UNC5C: variants seen among roughly 807,000 people sequenced by gnomAD.
UNC5C encodes the protein netrin receptor UNC5C.
A neutral mutation model predicts 99.8 loss-of-function variants in UNC5C; 47 were observed. The ratio of observed to expected loss-of-function variants is 0.47; its 90% CI spans 0.37 to 0.60. The LOEUF is 0.60. UNC5C is among the 20% of genes least tolerant of loss of function. The probability of loss-of-function intolerance (pLI) is 0.00; values close to 1 mark genes in which losing one functional copy is unlikely to be tolerated. For missense variants in UNC5C, 1,062 were observed against 1,165.9 expected (o/e 0.91, Z 1.30); for synonymous variants, 487 against 452.2 (o/e 1.08, Z -0.98).
chr4:95,276,979 A>G (rs1740884728), intron 4 of UNC5C, among the ~76,000 whole-genome samples: 1 of 152,176 alleles, frequency 6.6e-6, no homozygotes, highest in African/African-American at 2.4e-5. Flanking sequence ...TTTTCAATTA[A>G]TTATTATTAT....
At chr4:95,274,178 G>A (rs972075035) in intron 4 of UNC5C, among the ~76,000 whole-genome samples, 8 of 152,130 alleles carry the variant, frequency 5.3e-5, no homozygotes, top group African/African-American at 1.9e-4. Context: ...TGTGGCATGT[G>A]GGGGCTGCAA....
At chr4:95,541,743 T>C (rs920362549) in intron 1 of UNC5C, among the ~76,000 whole-genome samples, 2 of 152,154 alleles carry the variant, frequency 1.3e-5, no homozygotes, top group African/African-American at 4.8e-5. Context: ...GGACTGTAGA[T>C]GCATTTTAAT....
In UNC5C at chr4:95,220,101, A is replaced by G. The variant is rs766583475; in HGVS notation, c.1184T>C (p.Val395Ala). The G allele has an allele frequency of 2.5e-6, 4 of 1,614,042 alleles. No individual in the cohort carries two copies. The South Asian group carries it at 4.4e-5, about 18-fold the overall frequency. The change falls in exon 8 of 16, where the codon GTA becomes GCA. Residue 395 changes from valine to alanine, a missense_variant. Val to Ala is a moderately conservative substitution (Grantham distance 64, BLOSUM62 0). Around this residue, in one of 3 missense-constraint regions of UNC5C, gnomAD observed 810 missense variants for 854.5 expected, o/e 0.95. Transcript: ENST00000453304. ...CCGATACACAAACAAGGCCACAACT[A>G]CAGAGATCGCCAGGCAAACGATCAC... The part of the protein sequence containing the change: ...IAVIVCLAIS[V>A]VVALFVYRKN...
intron 1 of UNC5C, among the ~76,000 whole-genome samples, chr4:95,520,401 G>A (rs956368485): frequency 6.6e-6 from 1 of 152,056 alleles, no homozygotes; most frequent in Non-Finnish European, 1.5e-5. Context: ...ATTAGTTGGT[G>A]TGACAAGCTC....
chr4:95,518,327 C>T (rs1230821448), intron 1 of UNC5C, among the ~76,000 whole-genome samples: 1 of 152,118 alleles, frequency 6.6e-6, no homozygotes, highest in Non-Finnish European at 1.5e-5. Flanking sequence ...TCTAGCAACA[C>T]CTCATTTATC....
At chr4:95,185,430 A>G (rs1352716846) in intron 12 of UNC5C, among the ~76,000 whole-genome samples, 1 of 152,096 alleles carries the variant, frequency 6.6e-6, no homozygotes, top group South Asian at 2.1e-4. Flanking sequence ...TCTACATCAC[A>G]CTGTTGAGGA....
chr4:95,430,139 C>A (rs1308049427), intron 1 of UNC5C, among the ~76,000 whole-genome samples: 1 of 151,958 alleles, frequency 6.6e-6, no homozygotes, highest in Non-Finnish European at 1.5e-5. Context: ...TAAGAGTGAA[C>A]CCTAATGTAA....
At chr4:95,359,486 T>TA (rs200873467) in intron 1 of UNC5C, among the ~76,000 whole-genome samples, 1,868 of 144,308 alleles carry the variant, frequency 0.013, 14 homozygotes, top group Non-Finnish European at 0.016. Flanking sequence ...ATACTGTTTC[T>TA]AAAAAAAAAA....
chr4:95,302,741 C>A (rs1293774027), intron 2 of UNC5C, among the ~76,000 whole-genome samples: 1 of 152,068 alleles, frequency 6.6e-6, no homozygotes, highest in African/African-American at 2.4e-5. Context: ...TTCATATGTC[C>A]ATCTATTCAT....
At chr4:95,299,647 G>T (rs943729016) in intron 3 of UNC5C, among the ~76,000 whole-genome samples, 2 of 152,152 alleles carry the variant, frequency 1.3e-5, no homozygotes, top group Non-Finnish European at 2.9e-5. Flanking sequence ...TAATCATGGT[G>T]GAAGATGAAG....
At chr4:95,427,395 A>G (rs759588903) in intron 1 of UNC5C, among the ~76,000 whole-genome samples, 1 of 152,218 alleles carries the variant, frequency 6.6e-6, no homozygotes, top group African/African-American at 2.4e-5. Context: ...GTAAAATACT[A>G]TGAAACTGCA....
chr4:95,455,454 C>T (rs1297064939), intron 1 of UNC5C, among the ~76,000 whole-genome samples: 1 of 151,958 alleles, frequency 6.6e-6, no homozygotes, highest in Non-Finnish European at 1.5e-5. Context: ...GCATTGCTTG[C>T]ATGAGTTTGA....
chr4:95,191,816 C>A (rs559084285), intron 12 of UNC5C, among the ~76,000 whole-genome samples: 1 of 147,300 alleles, frequency 6.8e-6, no homozygotes, highest in South Asian at 2.3e-4. Context: ...CTCCCCTGCT[C>A]ACCTCTTCTG....
At chr4:95,297,666 G>A (rs1741709224) in intron 3 of UNC5C, among the ~76,000 whole-genome samples, 1 of 152,172 alleles carries the variant, frequency 6.6e-6, no homozygotes, top group Non-Finnish European at 1.5e-5. Flanking sequence ...AGGCAGGAAT[G>A]GCTTCACTAA....
chr4:95,307,505 T>A (rs1241844165), intron 2 of UNC5C, among the ~76,000 whole-genome samples: 1 of 152,032 alleles, frequency 6.6e-6, no homozygotes, highest in Admixed American at 6.5e-5. Context: ...AATAAAAAGT[T>A]TCCCATCAAA....
intron 1 of UNC5C, among the ~76,000 whole-genome samples, chr4:95,419,007 C>T (rs997613190): frequency 2.6e-5 from 4 of 152,180 alleles, no homozygotes; most frequent in South Asian, 2.1e-4. Context: ...AGATGAGACA[C>T]GATGATCTTC....
At position 95,415,353 on chromosome 4, in the gene UNC5C, TA is replaced by T. The variant is rs111365218; in HGVS notation, c.125-79723del. Among the ~76,000 whole-genome samples, 62 of 147,580 alleles carry T rather than the reference TA, an allele frequency of 4.2e-4. No individual in the cohort carries two copies. The East Asian group carries it at 0.01, about 24-fold the overall frequency. Reference sequence around the variant, plus strand: ...CAGCAAAAGATATCATTAAAATTGTTAAAAAAAAAACAAAACAAAACCCTAC... The same window carrying T: ...CAGCAAAAGATATCATTAAAATTGTTAAAAAAAAACAAAACAAAACCCTAC... On this transcript the variant is annotated intron_variant, in intron 1 of 15. Coordinates refer to ENST00000453304, the MANE Select transcript of UNC5C (RefSeq NM_003728.4).
chr4:95,238,913 CTTTT>C (rs1010583303), intron 7 of UNC5C, among the ~76,000 whole-genome samples: 4 of 152,086 alleles, frequency 2.6e-5, no homozygotes, highest in Non-Finnish European at 5.9e-5. Flanking sequence ...CCAAATCTGT[CTTTT>C]TAACAATATT....
chr4:95,432,651 G>A (rs1377900578), intron 1 of UNC5C, among the ~76,000 whole-genome samples: 3 of 152,062 alleles, frequency 2.0e-5, no homozygotes, highest in Non-Finnish European at 4.4e-5. Context: ...AAACCACTCA[G>A]AAGTTTCTAG....
Sources: allele counts gnomAD v4.1 joint callset (sites outside exome capture counted in the v4.1 genomes callset), GRCh38; gene constraint gnomAD v4.1.1; regional missense constraint gnomAD v4.1.1; transcripts MANE v1.5; gene names NCBI Gene and HGNC (gene_info 2026-07-23, HGNC 2026-07-21).